Variants in UBXN2B observed in about 807,000 individuals in gnomAD.
UBXN2B encodes UBX domain protein 2B, also known as UBX domain-containing protein 2B.
Under a neutral mutation model 37.5 loss-of-function variants are expected in UBXN2B, and 19 were observed. That is an observed-to-expected ratio of 0.51 (90% CI 0.35 to 0.74). The LOEUF (loss-of-function observed/expected upper bound fraction) is 0.74, where lower values mean the gene tolerates loss of function less well. UBXN2B is among the 30% of genes least tolerant of loss of function. UBXN2B has a pLI of 0.01. For missense variants in UBXN2B, 370 were observed against 393.2 expected (o/e 0.94, Z 0.50); for synonymous variants, 145 against 143.8 (o/e 1.01, Z -0.06).
chr8:58,416,863 A>G lies in UBXN2B; in HGVS notation c.98A>G (p.Glu33Gly). 6.2e-7 allele frequency: 1 copy of G among 1,612,106 alleles called. No individual in the cohort carries two copies. The highest frequency in any genetic ancestry group is 8.5e-7 in the Non-Finnish European group (1 of 1,178,696). The change falls in exon 2 of 8, where the codon GAA (glutamate) becomes GGA (glycine). Residue 33 changes from glutamate to glycine, a missense_variant. Transcript: ENST00000399598. Reference protein sequence around the residue: ...SARDLQLALAELYEDEVKCKS... With the variant: ...SARDLQLALAGLYEDEVKCKS... ...GTTATTATGTAGTTGGCCTTGGCAG[A>G]ATTGTATGAAGATGAAGTGAAGTGC...
intron 6 of UBXN2B, among the ~76,000 whole-genome samples, chr8:58,441,367 A>ATATATATATATATATATATGTATG (rs1554553148): frequency 3.4e-4 from 48 of 142,462 alleles, no homozygotes; most frequent in African/African-American, 1.2e-3. Flanking sequence ...ATATATATAT[A>ATATATATATATATATATATGTATG]TGTATGTGTA....
chr8:58,425,441 T>G lies in UBXN2B; in HGVS notation c.189-5078T>G, dbSNP rs1205782411. On this transcript the variant is annotated intron_variant, in intron 2 of 7. Transcript: ENST00000399598. ...TTACACTTGGTTTCAAATTTGGGCA[T>G]GATGATATTTGCATTGATGTCATCT... 4 of 1,131,552 alleles carry G rather than the reference T, an allele frequency of 3.5e-6. No individual in the cohort carries two copies. In the African/African-American group the frequency reaches 6.1e-5, roughly 17 times the overall value. The allele number at this position is 1,131,552 out of a possible 1,614,324, so 70.1% of individuals were successfully genotyped here.
In UBXN2B at chr8:58,433,155, T is replaced by C; in HGVS notation, c.340-5T>C. 6.2e-7 allele frequency: 1 copy of C among 1,602,232 alleles called. No homozygotes were observed. The highest frequency in any genetic ancestry group is 8.5e-7 in the Non-Finnish European group (1 of 1,170,444). ...GAATTTTAACTCACTTGCTATGTAT[T>C]TTAGTCATTTACAGGTGGAGGATAC... On this transcript the variant is annotated splice_region_variant and splice_polypyrimidine_tract_variant and intron_variant, in intron 3 of 7. Coordinates refer to ENST00000399598, the MANE Select transcript of UBXN2B (RefSeq NM_001077619.2).
chr8:58,419,227 G>C (rs1807862938), intron 2 of UBXN2B, among the ~76,000 whole-genome samples: 1 of 152,106 alleles, frequency 6.6e-6, no homozygotes, highest in Non-Finnish European at 1.5e-5. Context: ...TTCTACGTAT[G>C]ATATCTTCTA....
At chr8:58,415,702 A>G (rs1459894740) in intron 1 of UBXN2B, among the ~76,000 whole-genome samples, 2 of 152,068 alleles carry the variant, frequency 1.3e-5, no homozygotes, top group South Asian at 2.1e-4. Flanking sequence ...GCTCAGAGAA[A>G]TTAAATAATT....
In UBXN2B at chr8:58,450,069, G is replaced by C. The variant is rs1369412654; in HGVS notation, c.*2518G>C. ...AGTCTTGTGTGTGACCTGATATTCA[G>C]ACCTTTTGATGTTTCTGAAGTATTA... On this transcript the variant is annotated 3_prime_UTR_variant, in exon 8 of 8. Transcript: ENST00000399598. 1.3e-5 allele frequency: 2 copies of C among 152,180 alleles called. No homozygotes were observed. Among genetic ancestry groups the C allele is most frequent in the Non-Finnish European group, 2.9e-5 (2 of 68,038 alleles). The allele number at this position is 152,180 out of a possible 1,614,324, so 9.4% of individuals were successfully genotyped here.
At chr8:58,446,138 T>C in intron 7 of UBXN2B, 70 bp downstream of exon 7, 1 of 1,412,258 alleles carries the variant, frequency 7.1e-7, no homozygotes, top group Non-Finnish European at 9.4e-7. Context: ...AGTAGAACTG[T>C]ATGTGACTTG....
At chr8:58,432,770 C>A (rs539308165) in intron 3 of UBXN2B, among the ~76,000 whole-genome samples, 12 of 152,162 alleles carry the variant, frequency 7.9e-5, no homozygotes, top group Admixed American at 1.3e-4. Flanking sequence ...TACATTCTTA[C>A]AAGTAGCATT....
At chr8:58,439,915 A>G in intron 6 of UBXN2B, 145 bp downstream of exon 6, 2 of 631,162 alleles carry the variant, frequency 3.2e-6, no homozygotes, top group Non-Finnish European at 5.0e-6. Context: ...TTATATCATA[A>G]TATTATATCA....
intron 2 of UBXN2B, among the ~76,000 whole-genome samples, chr8:58,423,062 C>G (rs1807968585): frequency 6.7e-6 from 1 of 149,446 alleles, no homozygotes; most frequent in African/African-American, 2.5e-5. Flanking sequence ...TACTCCAGCT[C>G]TCTTCTGGTG....
At chr8:58,418,793 T>G (rs1005334026) in intron 2 of UBXN2B, among the ~76,000 whole-genome samples, 8 of 152,218 alleles carry the variant, frequency 5.3e-5, no homozygotes, top group Non-Finnish European at 1.0e-4. Context: ...TATAAAATAC[T>G]GTATTTTTAG....
At chr8:58,441,204 G>A (rs1053184019) in intron 6 of UBXN2B, among the ~76,000 whole-genome samples, 1 of 151,524 alleles carries the variant, frequency 6.6e-6, no homozygotes. Context: ...ATGTTGCCCA[G>A]GCTGGTCTTG....
chr8:58,438,123 C>T (rs1347198898), intron 5 of UBXN2B, among the ~76,000 whole-genome samples: 2 of 152,218 alleles, frequency 1.3e-5, no homozygotes, highest in African/African-American at 4.8e-5. Context: ...TGGGCCTCCA[C>T]TCGCTCTGAA....
chr8:58,439,881 A>G, intron 6 of UBXN2B, 111 bp downstream of exon 6: 3 of 915,936 alleles, frequency 3.3e-6, no homozygotes, highest in Non-Finnish European at 4.8e-6. Context: ...AACCATGCAC[A>G]TTAGATATAT....
In UBXN2B at chr8:58,448,015, G is replaced by A. The variant is rs1808719306; in HGVS notation, c.*464G>A. ...GTGTCTTTTGATTTTGAAATTGTTT[G>A]ATCATACAATAATTATTTCTCCTAT... On this transcript the variant is annotated 3_prime_UTR_variant, in exon 8 of 8. Coordinates refer to ENST00000399598, the MANE Select transcript of UBXN2B (RefSeq NM_001077619.2). The A allele has an allele frequency of 2.0e-5, 3 of 152,276 alleles. No homozygotes were observed. The highest frequency in any genetic ancestry group is 2.0e-4 in the Admixed American group (3 of 15,272). 9.4% of individuals were successfully genotyped at this position (152,276 alleles called of 1,614,324 possible). A position where few individuals can be genotyped will look rare whatever the true frequency, so the allele number is the denominator to read the frequency against.
At position 58,447,622 on chromosome 8, in the gene UBXN2B, C is replaced by A; in HGVS notation, c.*71C>A. ...CGTATTAATAAGGACAATACTTCAG[C>A]ATTAAAAACAGCCAAATTATTTTTA... On this transcript the variant is annotated 3_prime_UTR_variant, in exon 8 of 8. Coordinates refer to ENST00000399598, the MANE Select transcript of UBXN2B (RefSeq NM_001077619.2). 1 of 1,325,964 alleles carries A rather than the reference C, an allele frequency of 7.5e-7. No homozygotes were observed. The highest frequency in any genetic ancestry group is 2.1e-5 in the South Asian group (1 of 47,094). The allele number at this position is 1,325,964 out of a possible 1,614,324, so 82.1% of individuals were successfully genotyped here.
chr8:58,434,918 T>C, intron 5 of UBXN2B: 1 of 1,535,652 alleles, frequency 6.5e-7, no homozygotes, highest in Non-Finnish European at 8.7e-7. Flanking sequence ...TCTTTTAATG[T>C]GGCATTACTG....
At chr8:58,441,219 C>T (rs1808532987) in intron 6 of UBXN2B, among the ~76,000 whole-genome samples, 1 of 151,510 alleles carries the variant, frequency 6.6e-6, no homozygotes, top group Non-Finnish European at 1.5e-5. Flanking sequence ...GTCTTGAATT[C>T]CTGGCCTCAA....
At chr8:58,426,150 T>A in intron 2 of UBXN2B, 1 of 1,039,054 alleles carries the variant, frequency 9.6e-7, no homozygotes, top group Non-Finnish European at 1.5e-6. Context: ...TCAGCCAAAG[T>A]GGAAAATTTC....
Sources: gnomAD v4.1 joint callset for allele counts (sites outside exome capture counted in the v4.1 genomes callset) on GRCh38, gnomAD v4.1.1 for gene constraint, MANE v1.5 for transcripts, NCBI Gene and HGNC (gene_info 2026-07-23, HGNC 2026-07-21) for gene names.